The following ACSF2 variants were observed in gnomAD, a reference collection of about 807,000 sequenced individuals.
ACSF2 encodes the protein acyl-CoA synthetase family member 2, also known as medium-chain acyl-CoA ligase ACSF2, mitochondrial.
In ACSF2, 52 loss-of-function variants were observed where a neutral mutation model predicts 79.3. That is an observed-to-expected ratio of 0.66 (90% CI 0.53 to 0.83). The LOEUF is 0.83. Among genes scored for constraint, ACSF2 ranks in the 40% least tolerant of loss-of-function variants. The pLI is 0.00. For missense variants in ACSF2, 661 were observed against 803.3 expected (o/e 0.82, Z 2.14); for synonymous variants, 283 against 312.6 (o/e 0.91, Z 1.00).
At chr17:50,442,745 C>G (rs143849196) in intron 1 of ACSF2, among the ~76,000 whole-genome samples, 1 of 152,100 alleles carries the variant, frequency 6.6e-6, no homozygotes, top group Non-Finnish European at 1.5e-5. Context: ...GATTATAGGT[C>G]GTGAGCCATT....
chr17:50,441,925 G>A lies in ACSF2; in HGVS notation c.128+15536G>A, dbSNP rs536573198. Among the ~76,000 whole-genome samples, 5 of 152,020 alleles carry A rather than the reference G, an allele frequency of 3.3e-5. No homozygotes were observed. In the East Asian group the frequency reaches 5.9e-4, roughly 18 times the overall value. On this transcript the variant is annotated intron_variant, in intron 1 of 15. Coordinates refer to ENST00000300441, the MANE Select transcript of ACSF2 (RefSeq NM_025149.6). ...CACAATCATGGCTTACAGCAGCCTC[G>A]CCCTTGTGGGCTCAAGCAATTGTCC...
Position 50,426,403 on chromosome 17 carries a change from G to C in ACSF2, c.128+14G>C, listed in dbSNP as rs1303367959. The C allele has an allele frequency of 1.5e-6, 2 of 1,315,572 alleles. 1 individual carries two copies. Among genetic ancestry groups the C allele is most frequent in the Admixed American group, 7.4e-5 (2 of 26,966 alleles). The allele number at this position is 1,315,572 out of a possible 1,614,324, so 81.5% of individuals were successfully genotyped here. Reference sequence around the variant, plus strand: ...CCGCTTCCTCAGGTACTGGCCCCCCGCGGGAAGAGAGGGGGCGGGGCAGTT... The same window carrying C: ...CCGCTTCCTCAGGTACTGGCCCCCCCCGGGAAGAGAGGGGGCGGGGCAGTT... On this transcript the variant is annotated intron_variant, in intron 1 of 15. Coordinates refer to ENST00000300441, the MANE Select transcript of ACSF2 (RefSeq NM_025149.6).
At chr17:50,469,108 G>GC (rs1374505300) in intron 10 of ACSF2, 9 of 1,133,072 alleles carry the variant, frequency 7.9e-6, no homozygotes, top group African/African-American at 1.6e-5. Context: ...CCCGGCTGTA[G>GC]CCCCCCGCTC....
Position 50,463,202 on chromosome 17 carries a change from T to G in ACSF2, c.839T>G (p.Ile280Ser). Residue 280 changes from isoleucine (I) to serine (S), a missense_variant, in exon 7 of 16, where the codon ATT becomes AGT. Ile to Ser is a moderately radical substitution (Grantham distance 142). Transcript: ENST00000300441. This position sits in a 1 kb window ranked among gnomAD's most constrained non-coding sequence, Gnocchi z 4.6. ...GGGGCCACCCTCTCCCACTACAACA[T>G]TGTCAACAACTCCAACATTTTAGGA... is the stretch of plus-strand genomic sequence containing the variant. Reference protein sequence around the residue: ...PKGATLSHYNIVNNSNILGER... With the variant: ...PKGATLSHYNSVNNSNILGER... 6.2e-7 allele frequency: 1 copy of G among 1,614,044 alleles called. No individual in the cohort carries two copies. Among genetic ancestry groups the G allele is most frequent in the Non-Finnish European group, 8.5e-7 (1 of 1,180,010 alleles).
chr17:50,474,376 A>G lies in ACSF2; in HGVS notation c.1797+109A>G. On this transcript the variant is annotated intron_variant, in intron 15 of 15. Transcript: ENST00000300441. This position sits in a 1 kb window ranked among gnomAD's most constrained non-coding sequence, Gnocchi z 4.2. Reference sequence around the variant, plus strand: ...GTGTGGAGAGACTGGCAGTAGGGTGACCGGGTCACCTAATCCTGGTTTGCC... The same window carrying G: ...GTGTGGAGAGACTGGCAGTAGGGTGGCCGGGTCACCTAATCCTGGTTTGCC... The G allele has an allele frequency of 2.0e-6, 3 of 1,506,424 alleles. No individual in the cohort carries two copies. Among genetic ancestry groups the G allele is most frequent in the Middle Eastern group, 1.7e-4 (1 of 5,836 alleles). 93.3% of individuals were successfully genotyped at this position (1,506,424 alleles called of 1,614,324 possible).
At chr17:50,465,642 T>C in intron 10 of ACSF2, 2 of 1,583,130 alleles carry the variant, frequency 1.3e-6, no homozygotes, top group South Asian at 1.1e-5. Flanking sequence ...CATGTCTTAG[T>C]GCAGGGCTAA....
intron 1 of ACSF2, chr17:50,426,822 C>T: frequency 2.2e-6 from 3 of 1,393,420 alleles, no homozygotes; most frequent in Non-Finnish European, 2.9e-6. Flanking sequence ...ACTTAGCAGT[C>T]TCCTGTCTCC....
chr17:50,469,118 C>T (rs2032967713), intron 10 of ACSF2: 1 of 838,224 alleles, frequency 1.2e-6, no homozygotes. Flanking sequence ...GCCCCCCGCT[C>T]TCCTATGGTG....
At position 50,460,769 on chromosome 17, in the gene ACSF2, T is replaced by C; in HGVS notation, c.221T>C (p.Val74Ala). The stretch of plus-strand genomic sequence containing the variant: ...AAAAAGCATCTTAACAGCAAGACTG[T>C]GGGCCAGTGCCTGGAGACCACAGCA... ...CTKKHLNSKTVGQCLETTAQR... is the reference protein window; with the variant it reads ...CTKKHLNSKTAGQCLETTAQR... Residue 74 changes from valine (V) to alanine (A), a missense_variant, in exon 2 of 16, where the codon GTG becomes GCG. Val to Ala is a moderately conservative substitution (Grantham distance 64). Transcript: ENST00000300441. 1 of 1,613,234 alleles carries C rather than the reference T, an allele frequency of 6.2e-7. No individual in the cohort carries two copies. Among genetic ancestry groups the C allele is most frequent in the East Asian group, 2.2e-5 (1 of 44,864 alleles).
intron 1 of ACSF2, among the ~76,000 whole-genome samples, chr17:50,435,013 C>G (rs2107574): frequency 0.66 from 100,908 of 151,956 alleles, 34,983 homozygotes; most frequent in African/African-American, 0.85. Context: ...TGGGATTACC[C>G]GCATGTGCCA....
intron 1 of ACSF2, among the ~76,000 whole-genome samples, chr17:50,457,923 A>G (rs1462401060): frequency 6.6e-6 from 1 of 152,170 alleles, no homozygotes; most frequent in Non-Finnish European, 1.5e-5. Context: ...TCAGAATCAC[A>G]TGGGATTCTG....
rs891689192 is a variant in ACSF2, at chr17:50,471,475, C to T, written c.1323+340C>T. 3.0e-6 allele frequency: 1 copy of T among 328,184 alleles called. No homozygotes were observed. The highest frequency in any genetic ancestry group is 2.1e-5 in the African/African-American group (1 of 47,810). The allele number at this position is 328,184 out of a possible 1,614,324, so 20.3% of individuals were successfully genotyped here. ...CCAGAGCACAGAGAGTTTTCCTACA[C>T]AGCTTCTTTTCCTCCAGTGGTGCTC... On this transcript the variant is annotated intron_variant, in intron 11 of 15. Transcript: ENST00000300441. This position sits in a 1 kb window ranked among gnomAD's most constrained non-coding sequence, Gnocchi z 4.1.
intron 1 of ACSF2, among the ~76,000 whole-genome samples, chr17:50,438,564 T>G (rs999839107): frequency 6.6e-6 from 1 of 152,072 alleles, no homozygotes; most frequent in African/African-American, 2.4e-5. Context: ...TCCAAATATT[T>G]TTCTTTTTCT....
At chr17:50,469,398 C>T (rs1325346602) in intron 10 of ACSF2, among the ~76,000 whole-genome samples, 1 of 152,188 alleles carries the variant, frequency 6.6e-6, no homozygotes. Context: ...GCCTGCCGAG[C>T]GTGAGAGCCG....
intron 2 of ACSF2, 171 bp from the exon 3 acceptor site, chr17:50,461,071 C>A: frequency 8.6e-7 from 1 of 1,168,142 alleles, no homozygotes; most frequent in Non-Finnish European, 1.2e-6. Flanking sequence ...GCTCCTGGGG[C>A]ACCTGTTAAC....
rs764566310 is a variant in ACSF2 at position 50,460,801 on chromosome 17, G to A, written c.253G>A (p.Val85Ile). 20 of 1,612,612 alleles carry A rather than the reference G, an allele frequency of 1.2e-5. No individual in the cohort carries two copies. In the East Asian group the frequency reaches 4.5e-4, roughly 36 times the overall value. ...GQCLETTAQR[V>I]PEREALVVLH... is the part of the protein sequence containing the mutation. Reference sequence around the variant, plus strand: ...GTGCCTGGAGACCACAGCACAGAGGGTCCCAGAACGAGAGGCCTTGGTCGT... The same window carrying A: ...GTGCCTGGAGACCACAGCACAGAGGATCCCAGAACGAGAGGCCTTGGTCGT... The change falls in exon 2 of 16, where the codon GTC becomes ATC. Residue 85 changes from valine (V) to isoleucine (I), a missense_variant. Val to Ile is a conservative substitution (Grantham distance 29). Transcript: ENST00000300441.
intron 1 of ACSF2, among the ~76,000 whole-genome samples, chr17:50,456,173 C>T (rs767608289): frequency 1.8e-4 from 27 of 152,296 alleles, no homozygotes; most frequent in Middle Eastern, 3.4e-3. Context: ...CACGCCCCAA[C>T]CCCAGTAATC....
At chr17:50,454,742 G>C (rs750487759) in intron 1 of ACSF2, among the ~76,000 whole-genome samples, 5 of 152,158 alleles carry the variant, frequency 3.3e-5, no homozygotes, top group Non-Finnish European at 5.9e-5. Flanking sequence ...CTAGATGTCT[G>C]AGGGTGTGTC....
At chr17:50,465,211 C>A (rs898454) in intron 10 of ACSF2, 2 of 1,543,332 alleles carry the variant, frequency 1.3e-6, no homozygotes, top group African/African-American at 1.4e-5. Flanking sequence ...CCCTCCAGGG[C>A]CAGGGGGTAT....
Sources: gnomAD v4.1 joint callset for allele counts (sites outside exome capture counted in the v4.1 genomes callset) on GRCh38, gnomAD v4.1.1 for gene constraint, Gnocchi (gnomAD v3.1) non-coding constraint, MANE v1.5 for transcripts, NCBI Gene and HGNC (gene_info 2026-07-23, HGNC 2026-07-21) for gene names.